FLT1: variants seen among roughly 807,000 people sequenced by gnomAD.
FLT1 encodes the protein vascular endothelial growth factor receptor 1.
A neutral mutation model predicts 156.3 loss-of-function variants in FLT1; 49 were observed. The observed-to-expected ratio is 0.31, with a 90% CI of 0.25 to 0.40. The LOEUF (loss-of-function observed/expected upper bound fraction) is 0.40, where lower values mean the gene tolerates loss of function less well. FLT1 is among the 10% of genes least tolerant of loss of function. The probability of loss-of-function intolerance (pLI) is 1.00; values close to 1 mark genes in which losing one functional copy is unlikely to be tolerated. For missense variants in FLT1, 1,322 were observed against 1,637.2 expected (o/e 0.81, Z 3.32); for synonymous variants, 594 against 583.8 (o/e 1.02, Z -0.25).
rs886536792 is a variant in FLT1 at position 28,494,966 on chromosome 13, C to A, written c.-123G>T. Reference sequence around the variant, plus strand: ...CGCGCCCTGAGCGCCCGTCTCGCGGCTCCAGCCAGGAGACAACCACTTCCC... The same window carrying A: ...CGCGCCCTGAGCGCCCGTCTCGCGGATCCAGCCAGGAGACAACCACTTCCC... On this transcript the variant is annotated 5_prime_UTR_variant, in exon 1 of 30. Coordinates refer to ENST00000282397, the MANE Select transcript of FLT1 (RefSeq NM_002019.4). 3.4e-5 allele frequency: 24 copies of A among 711,740 alleles called. No individual in the cohort carries two copies. The highest frequency in any genetic ancestry group is 4.3e-5 in the Non-Finnish European group (20 of 469,488). The allele number at this position is 711,740 out of a possible 1,614,324, so 44.1% of individuals were successfully genotyped here.
At chr13:28,437,458 C>A (rs936043744) in intron 4 of FLT1, among the ~76,000 whole-genome samples, 2 of 152,148 alleles carry the variant, frequency 1.3e-5, no homozygotes, top group Non-Finnish European at 2.9e-5. Context: ...TGCTCTGGGG[C>A]GGACTTGACT....
intron 14 of FLT1, among the ~76,000 whole-genome samples, chr13:28,371,517 G>A (rs1239808578): frequency 6.6e-6 from 1 of 152,120 alleles, no homozygotes; most frequent in Non-Finnish European, 1.5e-5. Context: ...CTACCAGATA[G>A]ATGGTCCCAG....
chr13:28,403,331 A>C (rs188580760), intron 11 of FLT1, among the ~76,000 whole-genome samples: 92 of 152,306 alleles, frequency 6.0e-4, no homozygotes, highest in African/African-American at 2.0e-3. Flanking sequence ...ATTACCAGAC[A>C]ATAAATTTGT....
intron 10 of FLT1, among the ~76,000 whole-genome samples, chr13:28,415,191 C>G (rs1038866065): frequency 6.6e-6 from 1 of 152,174 alleles, no homozygotes; most frequent in South Asian, 2.1e-4. Context: ...AATAATAGCA[C>G]CACTTTGCCC....
chr13:28,346,165 G>C (rs1250606515), intron 15 of FLT1: 2 of 152,898 alleles, frequency 1.3e-5, no homozygotes, highest in Non-Finnish European at 2.9e-5. Flanking sequence ...AGCCAGATTG[G>C]GGGGCCTGAG....
intron 14 of FLT1, among the ~76,000 whole-genome samples, chr13:28,384,171 C>T (rs1294117762): frequency 1.3e-5 from 2 of 152,110 alleles, no homozygotes; most frequent in African/African-American, 2.4e-5. Flanking sequence ...CAGTGGCATG[C>T]GCCTATAATC....
At chr13:28,405,450 G>A (rs1875727824) in intron 11 of FLT1, among the ~76,000 whole-genome samples, 1 of 152,152 alleles carries the variant, frequency 6.6e-6, no homozygotes, top group Admixed American at 6.6e-5. Context: ...ACGAGCCCTA[G>A]GCTGCACTCC....
At chr13:28,408,992 T>C (rs1424932536) in intron 10 of FLT1, among the ~76,000 whole-genome samples, 6 of 152,244 alleles carry the variant, frequency 3.9e-5, no homozygotes, top group Non-Finnish European at 8.8e-5. Context: ...GAGATTGATA[T>C]AAATAAATTA....
At chr13:28,488,032 G>A (rs895556434) in intron 1 of FLT1, among the ~76,000 whole-genome samples, 11 of 151,676 alleles carry the variant, frequency 7.3e-5, no homozygotes, top group Non-Finnish European at 1.3e-4. Context: ...AGCCAGAAGA[G>A]AGAGGTTCCT....
At chr13:28,483,687 T>C (rs577113069) in intron 1 of FLT1, among the ~76,000 whole-genome samples, 30 of 152,300 alleles carry the variant, frequency 2.0e-4, no homozygotes, top group African/African-American at 7.0e-4. Context: ...ACACAGGAGC[T>C]ACGGGGCTTA....
At chr13:28,350,397 A>G (rs531611846) in intron 15 of FLT1, among the ~76,000 whole-genome samples, 1 of 152,226 alleles carries the variant, frequency 6.6e-6, no homozygotes, top group East Asian at 1.9e-4. Context: ...CTTTTGGAAT[A>G]GGGAGGGGAG....
At chr13:28,364,921 C>T (rs150706102) in intron 14 of FLT1, among the ~76,000 whole-genome samples, 1 of 151,990 alleles carries the variant, frequency 6.6e-6, no homozygotes, top group African/African-American at 2.4e-5. Context: ...TATTCTTGGC[C>T]CTTTATACTT....
chr13:28,428,975 AT>A (rs1327803908), intron 8 of FLT1, among the ~76,000 whole-genome samples: 6 of 151,156 alleles, frequency 4.0e-5, no homozygotes, highest in East Asian at 1.9e-4. Flanking sequence ...GGTGGATTGA[AT>A]TTTTTTTTAA....
intron 10 of FLT1, among the ~76,000 whole-genome samples, chr13:28,423,890 T>C (rs957781026): frequency 1.3e-5 from 2 of 152,232 alleles, no homozygotes; most frequent in African/African-American, 4.8e-5. Flanking sequence ...TGATAACTTA[T>C]TTTGGTGTTA....
intron 18 of FLT1, among the ~76,000 whole-genome samples, chr13:28,333,815 C>T (rs1872016313): frequency 6.6e-6 from 1 of 152,150 alleles, no homozygotes; most frequent in South Asian, 2.1e-4. Context: ...ATGGACAGTG[C>T]TGGATTGTTC....
At position 28,322,959 on chromosome 13, in the gene FLT1, C is replaced by G. The variant is rs1382921007; in HGVS notation, c.2797-13G>C. 1 of 1,613,880 alleles carries G rather than the reference C, an allele frequency of 6.2e-7. No homozygotes were observed. ...GTAGTGCTGCATCCTTTGAAGAGACCGAAAAGGACCCAGGTGAAAAGGAGC... is the reference window on the plus strand; with the variant it reads ...GTAGTGCTGCATCCTTTGAAGAGACGGAAAAGGACCCAGGTGAAAAGGAGC... On this transcript the variant is annotated splice_polypyrimidine_tract_variant and intron_variant, in intron 20 of 29. Coordinates refer to ENST00000282397, the MANE Select transcript of FLT1 (RefSeq NM_002019.4). This position sits in a 1 kb window ranked among gnomAD's most constrained non-coding sequence, Gnocchi z 4.3.
intron 3 of FLT1, among the ~76,000 whole-genome samples, chr13:28,445,710 G>C (rs1019752188): frequency 2.8e-4 from 42 of 152,096 alleles, no homozygotes; most frequent in African/African-American, 9.9e-4. Context: ...GGAAAGTCAG[G>C]GCCCAGATGG....
intron 14 of FLT1, among the ~76,000 whole-genome samples, chr13:28,360,570 G>A (rs9513088): frequency 0.55 from 83,046 of 152,048 alleles, 24,248 homozygotes; most frequent in Middle Eastern, 0.66. Flanking sequence ...ATTATGTTGA[G>A]CGAAATAAGC....
In FLT1 at chr13:28,327,532, A is replaced by G. The variant is rs1262900671; in HGVS notation, c.2726T>C (p.Val909Ala). ...GAGATTTCCATATTTGCAGTATTCA[A>G]CAATCACCATCAGAGGCCCTGCAGC... is the stretch of plus-strand genomic sequence containing the variant. Reference protein sequence around the residue: ...TKQGGPLMVIVEYCKYGNLSN... With the variant: ...TKQGGPLMVIAEYCKYGNLSN... Residue 909 changes from valine to alanine, a missense_variant, in exon 20 of 30, where the codon GTT becomes GCT. Val to Ala is a moderately conservative substitution (Grantham distance 64, BLOSUM62 0). This residue lies in a region of FLT1 where 991 missense variants were observed against 1,254.8 expected (regional missense o/e 0.79). Coordinates refer to ENST00000282397, the MANE Select transcript of FLT1 (RefSeq NM_002019.4). 6.2e-7 allele frequency: 1 copy of G among 1,613,136 alleles called. No individual in the cohort carries two copies. The highest frequency in any genetic ancestry group is 1.3e-5 in the African/African-American group (1 of 75,030).
Sources: allele counts gnomAD v4.1 joint callset (sites outside exome capture counted in the v4.1 genomes callset), GRCh38; gene constraint gnomAD v4.1.1; regional missense constraint gnomAD v4.1.1; non-coding constraint Gnocchi (gnomAD v3.1); transcripts MANE v1.5; gene names NCBI Gene and HGNC (gene_info 2026-07-23, HGNC 2026-07-21).